The following SLC36A1 variants were observed in gnomAD, a reference collection of about 807,000 sequenced individuals.
SLC36A1 encodes solute carrier family 36 member 1, also known as proton-coupled amino acid transporter 1.
A neutral mutation model predicts 47.5 loss-of-function variants in SLC36A1; 30 were observed. The ratio of observed to expected loss-of-function variants is 0.63; its 90% confidence interval spans 0.47 to 0.86. The LOEUF (loss-of-function observed/expected upper bound fraction) is 0.86, where lower values mean the gene tolerates loss of function less well. Among genes scored for constraint, SLC36A1 ranks in the 40% least tolerant of loss-of-function variants. SLC36A1 has a pLI of 0.00. For synonymous variants in SLC36A1, 255 were observed against 249.7 expected, an observed-to-expected ratio of 1.02 and a Z score of -0.20; for missense variants, 517 against 606.0, an observed-to-expected ratio of 0.85 and a Z score of 1.54.
chr5:151,377,007 A>G, the SLC36A1 span, among the ~76,000 whole-genome samples: 2 of 152,160 alleles, frequency 1.3e-5, no homozygotes, highest in Non-Finnish European at 2.9e-5. Context: ...TTTAATTTTC[A>G]TGTATTTGGA....
the SLC36A1 span, chr5:151,347,208 G>T: frequency 6.7e-7 from 1 of 1,498,520 alleles, no homozygotes; most frequent in South Asian, 1.1e-5. Flanking sequence ...ACAGTGGGTT[G>T]AGGGTCAGAC....
chr5:151,523,084 A>G, the SLC36A1 span, among the ~76,000 whole-genome samples: 1 of 152,156 alleles, frequency 6.6e-6, no homozygotes, highest in Non-Finnish European at 1.5e-5. Flanking sequence ...GGGTCTCCAC[A>G]ATTTTCCCTG....
the SLC36A1 span, among the ~76,000 whole-genome samples, chr5:151,352,754 TC>T: frequency 6.6e-6 from 1 of 152,344 alleles, no homozygotes; most frequent in Admixed American, 6.5e-5. Context: ...TCTGCTTCTA[TC>T]CCATGGGCTT....
intron 1 of SLC36A1, among the ~76,000 whole-genome samples, chr5:151,457,125 G>T (rs1382824136): frequency 6.6e-6 from 1 of 152,080 alleles, no homozygotes; most frequent in Non-Finnish European, 1.5e-5. Context: ...TTGAAGAGCA[G>T]GAAGTTGACT....
At chr5:151,459,630 T>A (rs1043322358) in intron 2 of SLC36A1, 10 of 152,398 alleles carry the variant, frequency 6.6e-5, no homozygotes, top group Admixed American at 3.3e-4. Flanking sequence ...CAGCTACTCC[T>A]GATTTCAGCA....
At chr5:151,348,120 A>G in the SLC36A1 span, among the ~76,000 whole-genome samples, 21,424 of 152,118 alleles carry the variant, frequency 0.14, 1,946 homozygotes, top group East Asian at 0.38. Context: ...AGGGACAGTC[A>G]CTCAGTCATC....
At chr5:151,426,538 C>A in the SLC36A1 span, among the ~76,000 whole-genome samples, 1 of 152,168 alleles carries the variant, frequency 6.6e-6, no homozygotes, top group East Asian at 1.9e-4. Context: ...GCAGTATTGC[C>A]ACCAGCATGT....
chr5:151,507,394 C>T, the SLC36A1 span: 2 of 1,614,194 alleles, frequency 1.2e-6, no homozygotes, highest in Non-Finnish European at 1.7e-6. Context: ...TGGGTGTCAA[C>T]ACCAACACTC....
At chr5:151,503,282 T>A in the SLC36A1 span, among the ~76,000 whole-genome samples, 1 of 148,128 alleles carries the variant, frequency 6.8e-6, no homozygotes, top group Non-Finnish European at 1.5e-5. Flanking sequence ...TATACCATTC[T>A]GGTGGGGAAT....
At chr5:151,350,900 G>C in the SLC36A1 span, among the ~76,000 whole-genome samples, 1 of 152,048 alleles carries the variant, frequency 6.6e-6, no homozygotes, top group African/African-American at 2.4e-5. Flanking sequence ...GTTTTGCCAT[G>C]TTGCCCAGGC....
the SLC36A1 span, chr5:151,531,571 T>C: frequency 6.2e-7 from 1 of 1,611,480 alleles, no homozygotes; most frequent in South Asian, 1.1e-5. This position sits in a 1 kb window ranked among gnomAD's most constrained non-coding sequence, Gnocchi z 5.7. Context: ...TGGGGCTTGG[T>C]GGATCAGGCT....
upstream of SLC36A1, among the ~76,000 whole-genome samples, chr5:151,436,392 G>A (rs1759779313): frequency 6.6e-6 from 1 of 152,038 alleles, no homozygotes; most frequent in African/African-American, 2.4e-5. Flanking sequence ...ATTGAAGGGT[G>A]GTTGGAGTGG....
chr5:151,462,059 C>G (rs1431320899), intron 2 of SLC36A1, among the ~76,000 whole-genome samples: 1 of 151,220 alleles, frequency 6.6e-6, no homozygotes, highest in African/African-American at 2.4e-5. Context: ...TGAAAGAAAT[C>G]AGCCCATCAC....
Position 151,488,348 on chromosome 5 carries a change from A to AC in SLC36A1, c.*94_*95insC. ...CTCAGGTATGGTCCAGGCTCTGAGG[A>AC]AAGTCAGGGTTGCTGTGTGGGAACC... On this transcript the variant is annotated 3_prime_UTR_variant, in exon 11 of 11. Transcript: ENST00000243389. 1 of 1,483,074 alleles carries AC rather than the reference A, an allele frequency of 6.7e-7. No individual in the cohort carries two copies. Among genetic ancestry groups the AC allele is most frequent in the Non-Finnish European group, 9.1e-7 (1 of 1,100,888 alleles). The allele number at this position is 1,483,074 out of a possible 1,614,324, so 91.9% of individuals were successfully genotyped here.
chr5:151,502,099 G>C, the SLC36A1 span, among the ~76,000 whole-genome samples: 9 of 148,042 alleles, frequency 6.1e-5, no homozygotes, highest in Non-Finnish European at 1.2e-4. Context: ...ATCACCTGAG[G>C]TCAGGAGTTC....
the SLC36A1 span, chr5:151,553,117 A>G: frequency 6.6e-7 from 1 of 1,522,778 alleles, no homozygotes; most frequent in Non-Finnish European, 9.1e-7. Flanking sequence ...CAGGAAAACT[A>G]GAGCTGGTGT....
the SLC36A1 span, chr5:151,512,470 A>G: frequency 1.2e-6 from 2 of 1,614,210 alleles, no homozygotes; most frequent in Non-Finnish European, 1.7e-6. This position sits in a 1 kb window ranked among gnomAD's most constrained non-coding sequence, Gnocchi z 4.1. Context: ...GCTGTCAACC[A>G]TCAGGCGAAT....
chr5:151,522,547 G>T, the SLC36A1 span, among the ~76,000 whole-genome samples: 2 of 152,228 alleles, frequency 1.3e-5, no homozygotes, highest in African/African-American at 4.8e-5. Flanking sequence ...TGGGAGTCGG[G>T]ATTTGTCCTT....
the SLC36A1 span, among the ~76,000 whole-genome samples, chr5:151,369,900 T>C: frequency 2.6e-5 from 4 of 152,178 alleles, no homozygotes; most frequent in Admixed American, 2.0e-4. Context: ...ATTCAAGCCA[T>C]TCTCATGCCT....
Sources: gnomAD v4.1 joint callset for allele counts (sites outside exome capture counted in the v4.1 genomes callset) on GRCh38, gnomAD v4.1.1 for gene constraint, Gnocchi (gnomAD v3.1) non-coding constraint, MANE v1.5 for transcripts, NCBI Gene and HGNC (gene_info 2026-07-23, HGNC 2026-07-21) for gene names.